MYO5A: variants seen among roughly 807,000 people sequenced by gnomAD.
MYO5A encodes myosin VA, also known as unconventional myosin-Va.
A neutral mutation model predicts 249.7 loss-of-function variants in MYO5A; 98 were observed. That is an observed-to-expected ratio of 0.39 (90% CI 0.33 to 0.46). The LOEUF (loss-of-function observed/expected upper bound fraction) is 0.46. Among genes scored for constraint, MYO5A ranks in the 20% least tolerant of loss-of-function variants. The probability of loss-of-function intolerance (pLI) is 0.98; values close to 1 mark genes in which losing one functional copy is unlikely to be tolerated. For synonymous variants in MYO5A, 778 were observed against 810.6 expected (o/e 0.96, Z 0.68); for missense variants, 1,696 against 2,308.8 (o/e 0.73, Z 5.44).
In MYO5A at chr15:52,443,629, A is replaced by AC. The variant is rs574149317; in HGVS notation, c.28-10345dup. 5.4e-3 allele frequency among the ~76,000 whole-genome samples: 821 copies of AC among 150,966 alleles called. 8 individuals are homozygous for AC. Among genetic ancestry groups the AC allele is most frequent in the African/African-American group, 0.018 (730 of 41,034 alleles). ...GGGAGGCTGAGGCAGAACTGTTTGA[A>AC]CCAGGGAAGCAGAGGTTGCAGTGAG... On this transcript the variant is annotated intron_variant, in intron 1 of 41. Coordinates refer to ENST00000399233, the MANE Select transcript of MYO5A (RefSeq NM_001382347.1).
intron 20 of MYO5A, 132 bp downstream of exon 20, chr15:52,375,172 A>T: frequency 1.1e-6 from 1 of 895,144 alleles, no homozygotes; most frequent in Non-Finnish European, 1.7e-6. Context: ...AAATAAATAA[A>T]TATGCATTTC....
At position 52,321,391 on chromosome 15, in the gene MYO5A, C is replaced by T. The variant is rs1015901825; in HGVS notation, c.4919G>A (p.Arg1640Gln). 6.8e-6 allele frequency: 11 copies of T among 1,614,028 alleles called. No homozygotes were observed. Among genetic ancestry groups the T allele is most frequent in the African/African-American group, 1.3e-5 (1 of 74,906 alleles). Residue 1640 changes from arginine (R) to glutamine (Q), a missense_variant, in exon 38 of 42, where the codon CGG (arginine) becomes CAG (glutamine). By Grantham distance (43) the Arg-to-Gln change is conservative. This residue lies in a region of MYO5A where 625 missense variants were observed against 908.1 expected (regional missense o/e 0.69). Transcript: ENST00000399233. ...TGGCTGAAGGATGTTCTCTAACACC[C>T]GCACGAGCTGCTGGTAGATCTGAAT... ...LAIQIYQQLV[R>Q]VLENILQPMI...
chr15:52,330,977 G>T (rs2038861108), intron 34 of MYO5A, among the ~76,000 whole-genome samples: 1 of 152,144 alleles, frequency 6.6e-6, no homozygotes, highest in Non-Finnish European at 1.5e-5. Context: ...AAAAGCAAAA[G>T]AACATTTACT....
In MYO5A at chr15:52,308,077, AAGC is replaced by A. The variant is rs1236819014; in HGVS notation, c.*5616_*5618del. On this transcript the variant is annotated 3_prime_UTR_variant, in exon 42 of 42. Coordinates refer to ENST00000399233, the MANE Select transcript of MYO5A (RefSeq NM_001382347.1). ...ATGCATAAAAATATACTAACCTGCC[AAGC>A]ACTGAATTATATATACCAGTTTCAA... The A allele has an allele frequency of 2.6e-5, 4 of 152,326 alleles. No individual in the cohort carries two copies. Among genetic ancestry groups the A allele is most frequent in the Non-Finnish European group, 4.4e-5 (3 of 68,014 alleles). 9.4% of individuals were successfully genotyped at this position (152,326 alleles called of 1,614,324 possible). A position where few individuals can be genotyped will look rare whatever the true frequency, so the allele number is the denominator to read the frequency against.
intron 1 of MYO5A, among the ~76,000 whole-genome samples, chr15:52,520,493 C>T (rs2077595297): frequency 6.6e-6 from 1 of 152,206 alleles, no homozygotes; most frequent in Admixed American, 6.5e-5. Flanking sequence ...AAAAGCTGCC[C>T]TCAGGATGAA....
intron 11 of MYO5A, among the ~76,000 whole-genome samples, chr15:52,392,900 C>T (rs1567082939): frequency 1.3e-5 from 2 of 152,198 alleles, no homozygotes; most frequent in Non-Finnish European, 2.9e-5. Flanking sequence ...ATAACGTGAA[C>T]TATAAGAGCA....
intron 34 of MYO5A, among the ~76,000 whole-genome samples, chr15:52,333,287 G>C (rs998077147): frequency 4.6e-5 from 7 of 152,172 alleles, no homozygotes; most frequent in African/African-American, 1.7e-4. Flanking sequence ...TTATAAACTT[G>C]AGGGAACCTT....
At chr15:52,390,012 G>A (rs560131961) in intron 12 of MYO5A, among the ~76,000 whole-genome samples, 9 of 152,190 alleles carry the variant, frequency 5.9e-5, no homozygotes, top group South Asian at 4.1e-4. Context: ...GGGCTATTAT[G>A]TACGTTTTTA....
chr15:52,512,369 G>A (rs900077892), intron 1 of MYO5A, among the ~76,000 whole-genome samples: 16 of 151,936 alleles, frequency 1.1e-4, no homozygotes, highest in Non-Finnish European at 1.5e-5. Context: ...CAGGGGTCTC[G>A]TTCAGTAACA....
At chr15:52,405,051 TCACACACACACACACACACACACA>T (rs58764245) in intron 9 of MYO5A, among the ~76,000 whole-genome samples, 1 of 140,190 alleles carries the variant, frequency 7.1e-6, no homozygotes, top group African/African-American at 2.6e-5. Flanking sequence ...TCTCTCTCTG[TCACACACACACACACACACACACA>T]CACACACACA....
At chr15:52,491,033 A>T (rs1295759745) in intron 1 of MYO5A, among the ~76,000 whole-genome samples, 1 of 152,156 alleles carries the variant, frequency 6.6e-6, no homozygotes, top group Non-Finnish European at 1.5e-5. Flanking sequence ...TTGTACAACA[A>T]TATGAATGTA....
intron 1 of MYO5A, among the ~76,000 whole-genome samples, chr15:52,475,455 C>G (rs1016525520): frequency 6.6e-6 from 1 of 152,030 alleles, no homozygotes; most frequent in African/African-American, 2.4e-5. Context: ...GCTCTTGTTT[C>G]TCTAGTTCTT....
At position 52,384,194 on chromosome 15, in the gene MYO5A, C is replaced by T. The variant is rs546703145; in HGVS notation, c.1881G>A (p.Met627Ile). The change falls in exon 15 of 42, where the codon ATG (methionine) becomes ATA (isoleucine). Residue 627 changes from methionine (M) to isoleucine (I), a missense_variant. Physicochemically the swap from Met to Ile is conservative, Grantham distance 10. Around this residue, in one of 5 missense-constraint regions of MYO5A, gnomAD observed 277 missense variants for 422.4 expected, o/e 0.66. Coordinates refer to ENST00000399233, the MANE Select transcript of MYO5A (RefSeq NM_001382347.1). ...CCACTGTTTTCTTGTGCTCTTTGGC[C>T]ATTTGGCCTGGTCTGCCTTTGGTGG... is the stretch of plus-strand genomic sequence containing the variant. ...AKPTKGRPGQ[M>I]AKEHKKTVGH... is the part of the protein sequence containing the mutation. 5 of 1,614,182 alleles carry T rather than the reference C, an allele frequency of 3.1e-6. No individual in the cohort carries two copies. The African/African-American group carries it at 5.3e-5, about 17-fold the overall frequency.
At chr15:52,374,782 T>C (rs561386896) in intron 20 of MYO5A, among the ~76,000 whole-genome samples, 7 of 152,382 alleles carry the variant, frequency 4.6e-5, no homozygotes, top group African/African-American at 1.7e-4. Flanking sequence ...ATAATGATTT[T>C]GGACTTCTGG....
chr15:52,456,507 T>C (rs887137057), intron 1 of MYO5A, among the ~76,000 whole-genome samples: 1 of 151,622 alleles, frequency 6.6e-6, no homozygotes, highest in South Asian at 2.1e-4. Context: ...CACATAGACA[T>C]AGCAATCCTG....
rs988687514 is a variant in MYO5A, at chr15:52,379,823, G to A, written c.2098C>T (p.Arg700Trp). ...ACATCTGAAAAATGCCAGGCTCACCGTGAGGGGAAACCGGCCGCACTGATT... is the reference window on the plus strand; with the variant it reads ...ACATCTGAAAAATGCCAGGCTCACCATGAGGGGAAACCGGCCGCACTGATT... Reference protein sequence around the residue: ...IRISAAGFPSRWTYQEFFSRY... With the variant: ...IRISAAGFPSWWTYQEFFSRY... Residue 700 changes from arginine to tryptophan, a missense_variant and splice_region_variant, in exon 17 of 42, where the codon CGG becomes TGG. Arg to Trp is a moderately radical substitution (Grantham distance 101). This residue lies in a region of MYO5A where 277 missense variants were observed against 422.4 expected (regional missense o/e 0.66). Transcript: ENST00000399233. The A allele has an allele frequency of 6.2e-6, 10 of 1,614,034 alleles. No homozygotes were observed. Among genetic ancestry groups the A allele is most frequent in the Non-Finnish European group, 1.7e-6 (2 of 1,180,006 alleles).
At chr15:52,441,765 T>G (rs973291496) in intron 1 of MYO5A, among the ~76,000 whole-genome samples, 26 of 152,194 alleles carry the variant, frequency 1.7e-4, no homozygotes, top group Admixed American at 1.6e-3. Flanking sequence ...AGAATCCTTA[T>G]CCCACTAAAT....
intron 30 of MYO5A, among the ~76,000 whole-genome samples, chr15:52,346,104 G>T (rs1286398437): frequency 6.6e-6 from 1 of 152,154 alleles, no homozygotes; most frequent in African/African-American, 2.4e-5. Flanking sequence ...GCCCCTTAAA[G>T]CTAAGACATT....
intron 1 of MYO5A, among the ~76,000 whole-genome samples, chr15:52,462,999 T>G (rs57364199): frequency 0.15 from 22,522 of 152,118 alleles, 1,793 homozygotes; most frequent in Middle Eastern, 0.22. Context: ...AATTGGGTGG[T>G]CGGGTTCTCA....
Sources: allele counts gnomAD v4.1 joint callset (sites outside exome capture counted in the v4.1 genomes callset), GRCh38; gene constraint gnomAD v4.1.1; regional missense constraint gnomAD v4.1.1; transcripts MANE v1.5; gene names NCBI Gene and HGNC (gene_info 2026-07-23, HGNC 2026-07-21).